The following PDCD2 variants were observed in gnomAD, a reference collection of about 807,000 sequenced individuals.
The protein encoded by PDCD2 is programmed cell death 2, also known as uS5 assembly chaperone PDCD2.
Under a neutral mutation model 38.1 loss-of-function variants are expected in PDCD2, and 38 were observed. The observed-to-expected ratio is 1.00, with a 90% CI of 0.77 to 1.31. PDCD2 has a LOEUF of 1.31. Among genes scored for constraint, PDCD2 ranks in the 50% most tolerant of loss-of-function variants. The probability of loss-of-function intolerance (pLI) is 0.00; values close to 1 mark genes in which losing one functional copy is unlikely to be tolerated. For missense variants in PDCD2, 473 were observed against 435.7 expected (o/e 1.09, Z -0.76); for synonymous variants, 205 against 168.9 (o/e 1.21, Z -1.66).
chr6:170,582,851 TCTTTA>T, intron 3 of PDCD2: 1 of 1,362,622 alleles, frequency 7.3e-7, no homozygotes, highest in East Asian at 2.8e-5. Flanking sequence ...CCCACCCTTG[TCTTTA>T]CAGGGAGCAG....
chr6:170,575,727 T>A lies in PDCD2; in HGVS notation c.*1832A>T, dbSNP rs949297662. ...ACCAGTTTGTCTCCCTCTTGATATA[T>A]CCATCCCAAATGGAAAGGCCCTGTA... On this transcript the variant is annotated 3_prime_UTR_variant, in exon 6 of 6. Transcript: ENST00000541970. 6.6e-6 allele frequency: 1 copy of A among 152,308 alleles called. No homozygotes were observed. Among genetic ancestry groups the A allele is most frequent in the African/African-American group, 2.4e-5 (1 of 41,562 alleles). 9.4% of individuals were successfully genotyped at this position (152,308 alleles called of 1,614,324 possible).
At chr6:170,583,376 G>A in intron 2 of PDCD2, 129 bp downstream of exon 2, 2 of 1,042,522 alleles carry the variant, frequency 1.9e-6, no homozygotes. Context: ...TTTTTACAAA[G>A]GTGTTCCAGG....
At position 170,583,695 on chromosome 6, in the gene PDCD2, A is replaced by G; in HGVS notation, c.336T>C (p.Pro112=). The change falls in exon 2 of 6, where the codon CCT becomes CCC. Residue 112 remains proline (P), a synonymous_variant. Coordinates refer to ENST00000541970, the MANE Select transcript of PDCD2 (RefSeq NM_002598.4). ...CTGTTTCTGGGGGAGGATTCTCAGA[A>G]GGTGGCTCATATGAGTAAAAATCGT... is the stretch of plus-strand genomic sequence containing the variant. The part of the protein sequence containing the change: ...RKNDFYSYEP[P]SENPPPETGE... The G allele has an allele frequency of 6.2e-7, 1 of 1,613,814 alleles. No homozygotes were observed. The highest frequency in any genetic ancestry group is 8.5e-7 in the Non-Finnish European group (1 of 1,179,684).
At position 170,584,430 on chromosome 6, in the gene PDCD2, C is replaced by T. The variant is rs757144594; in HGVS notation, c.152G>A (p.Cys51Tyr). Residue 51 changes from cysteine (C) to tyrosine (Y), a missense_variant, in exon 1 of 6, where the codon TGC (cysteine) becomes TAC (tyrosine). By Grantham distance (194) the Cys-to-Tyr change is radical. Transcript: ENST00000541970. ...AGLPGPQALA[C>Y]ELCGRPLSFL... ...GGAGAGCGGGCGGCCGCACAGCTCG[C>T]AGGCCAGGGCCTGGGGCCCCGGCAG... is the stretch of plus-strand genomic sequence containing the variant. 8 of 1,370,640 alleles carry T rather than the reference C, an allele frequency of 5.8e-6. No individual in the cohort carries two copies. The highest frequency in any genetic ancestry group is 1.9e-5 in the South Asian group (1 of 53,644). The allele number at this position is 1,370,640 out of a possible 1,614,324, so 84.9% of individuals were successfully genotyped here. A position where few individuals can be genotyped will look rare whatever the true frequency, so the allele number is the denominator to read the frequency against.
chr6:170,579,923 T>A (rs1440921702), intron 4 of PDCD2, 79 bp downstream of exon 4: 1 of 794,480 alleles, frequency 1.3e-6, no homozygotes, highest in Admixed American at 2.0e-5. Flanking sequence ...AATGTTACTA[T>A]GAAGTTATTT....
At chr6:170,578,595 G>A in intron 5 of PDCD2, 1 of 702,804 alleles carries the variant, frequency 1.4e-6, no homozygotes. Context: ...CACACTGGAG[G>A]TGGAGAGCAG....
chr6:170,583,202 G>A lies in PDCD2; in HGVS notation c.527-14C>T. 2 of 1,529,606 alleles carry A rather than the reference G, an allele frequency of 1.3e-6. No homozygotes were observed. The highest frequency in any genetic ancestry group is 1.2e-5 in the South Asian group (1 of 86,936). 94.8% of individuals were successfully genotyped at this position (1,529,606 alleles called of 1,614,324 possible). ...GGTCCAGATGATCTGAAACAAAAAG[G>A]ACAGCACTATTAGTAATCATTTAGT... On this transcript the variant is annotated splice_polypyrimidine_tract_variant and intron_variant, in intron 2 of 5. Transcript: ENST00000541970.
At position 170,583,723 on chromosome 6, in the gene PDCD2, T is replaced by C. The variant is rs758393282; in HGVS notation, c.308A>G (p.Lys103Arg). 71 of 1,612,478 alleles carry C rather than the reference T, an allele frequency of 4.4e-5. No homozygotes were observed. Among genetic ancestry groups the C allele is most frequent in the Non-Finnish European group, 5.9e-5 (69 of 1,178,974 alleles). Residue 103 changes from lysine (K) to arginine (R), a missense_variant, in exon 2 of 6, where the codon AAA becomes AGA. Lys to Arg is a conservative substitution (Grantham distance 26). Coordinates refer to ENST00000541970, the MANE Select transcript of PDCD2 (RefSeq NM_002598.4). ...LRVFRNQLPR[K>R]NDFYSYEPPS... The stretch of plus-strand genomic sequence containing the variant: ...TGGCTCATATGAGTAAAAATCGTTT[T>C]TCCTGGGTAGTTGATTCCTAAAAAC...
intron 3 of PDCD2, chr6:170,582,273 CA>C (rs1562368972): frequency 1.3e-6 from 2 of 1,497,190 alleles, no homozygotes; most frequent in South Asian, 2.4e-5. Context: ...TCCCTGTTAT[CA>C]AGCACAAGGT....
Position 170,580,123 on chromosome 6 carries a change from C to T in PDCD2, c.659-18G>A, listed in dbSNP as rs761213296. ...TGCTTCACCTGAAAAATCAACGTAA[C>T]TATTATGAAAAACAGGAGTAATCCC... On this transcript the variant is annotated intron_variant, in intron 3 of 5. Transcript: ENST00000541970. 6.7e-7 allele frequency: 1 copy of T among 1,481,512 alleles called. No individual in the cohort carries two copies. Among genetic ancestry groups the T allele is most frequent in the South Asian group, 1.1e-5 (1 of 88,254 alleles). 91.8% of individuals were successfully genotyped at this position (1,481,512 alleles called of 1,614,324 possible). A position where few individuals can be genotyped will look rare whatever the true frequency, so the allele number is the denominator to read the frequency against.
intron 1 of PDCD2, chr6:170,584,068 A>T (rs972407468): frequency 1.6e-5 from 8 of 496,706 alleles, no homozygotes; most frequent in Non-Finnish European, 2.8e-5. Flanking sequence ...GTACCCACTG[A>T]TTAAAAGCTG....
chr6:170,582,379 T>A (rs1466844913), intron 3 of PDCD2: 2 of 1,520,298 alleles, frequency 1.3e-6, no homozygotes, highest in Non-Finnish European at 1.8e-6. Context: ...AGTCTATAAA[T>A]CTAATTTTGT....
chr6:170,583,385 G>A (rs1472753990), intron 2 of PDCD2, 120 bp downstream of exon 2: 1 of 1,144,952 alleles, frequency 8.7e-7, no homozygotes. Flanking sequence ...AGGTGTTCCA[G>A]GCATGAAAAA....
At position 170,576,115 on chromosome 6, in the gene PDCD2, T is replaced by G. The variant is rs548659610; in HGVS notation, c.*1444A>C. The G allele has an allele frequency of 6.6e-6, 1 of 152,158 alleles. No individual in the cohort carries two copies. The highest frequency in any genetic ancestry group is 2.1e-4 in the South Asian group (1 of 4,826). The allele number at this position is 152,158 out of a possible 1,614,324, so 9.4% of individuals were successfully genotyped here. ...CATAGTTATAGGTGATTTTCATAGA[T>G]TTAGCCATCCCAGGTTCGAAACTAG... is the stretch of plus-strand genomic sequence containing the variant. On this transcript the variant is annotated 3_prime_UTR_variant, in exon 6 of 6. Coordinates refer to ENST00000541970, the MANE Select transcript of PDCD2 (RefSeq NM_002598.4).
Position 170,583,742 on chromosome 6 carries a change from T to G in PDCD2, c.289A>C (p.Arg97=). The G allele has an allele frequency of 6.2e-7, 1 of 1,604,430 alleles. No homozygotes were observed. The highest frequency in any genetic ancestry group is 8.5e-7 in the Non-Finnish European group (1 of 1,173,778). The change falls in exon 2 of 6, where the codon AGG becomes CGG. Residue 97 remains arginine, a synonymous_variant. Coordinates refer to ENST00000541970, the MANE Select transcript of PDCD2 (RefSeq NM_002598.4). ...QPCCAGLRVF[R]NQLPRKNDFY... ...TCGTTTTTCCTGGGTAGTTGATTCC[T>G]AAAAACTAAAAAAGAATACAGAGAA... is the stretch of plus-strand genomic sequence containing the variant.
chr6:170,584,202 C>CAG (rs1186700234), intron 1 of PDCD2, 97 bp downstream of exon 1: 28 of 1,233,772 alleles, frequency 2.3e-5, no homozygotes, highest in Non-Finnish European at 2.8e-5. Context: ...GCTGGGGCGG[C>CAG]AGCGGTGCTT....
chr6:170,584,420 G>A lies in PDCD2; in HGVS notation c.162C>T (p.Cys54=), dbSNP rs1486106123. The part of the protein sequence containing the change: ...PGPQALACEL[C]GRPLSFLLQV... Reference sequence around the variant, plus strand: ...GCAGCAGGAAGGAGAGCGGGCGGCCGCACAGCTCGCAGGCCAGGGCCTGGG... The same window carrying A: ...GCAGCAGGAAGGAGAGCGGGCGGCCACACAGCTCGCAGGCCAGGGCCTGGG... The change falls in exon 1 of 6, where the codon TGC becomes TGT. Residue 54 remains cysteine, a synonymous_variant. Transcript: ENST00000541970. 1.3e-5 allele frequency: 18 copies of A among 1,401,942 alleles called. No homozygotes were observed. Among genetic ancestry groups the A allele is most frequent in the Admixed American group, 2.9e-5 (1 of 34,646 alleles). The allele number at this position is 1,401,942 out of a possible 1,614,324, so 86.8% of individuals were successfully genotyped here.
intron 5 of PDCD2, chr6:170,578,358 T>G: frequency 2.2e-6 from 1 of 449,118 alleles, no homozygotes; most frequent in Non-Finnish European, 3.9e-6. Context: ...ATTTCCACCC[T>G]ACCCAAATGG....
chr6:170,579,752 G>C (rs1216732906), intron 4 of PDCD2: 5 of 278,144 alleles, frequency 1.8e-5, no homozygotes, highest in Non-Finnish European at 3.4e-5. Flanking sequence ...GCTTGCTTTA[G>C]AAAATGAACC....
Sources: allele counts gnomAD v4.1 joint callset, GRCh38; gene constraint gnomAD v4.1.1; transcripts MANE v1.5; gene names NCBI Gene and HGNC (gene_info 2026-07-23, HGNC 2026-07-21).